Variants in NTM observed in about 807,000 individuals in gnomAD.
NTM encodes neurotrimin, also known as IgLON family member 2.
In NTM, 13 loss-of-function variants were observed where a neutral mutation model predicts 42.1. The observed-to-expected ratio is 0.31, with a 90% confidence interval of 0.20 to 0.49. The LOEUF (loss-of-function observed/expected upper bound fraction) is 0.49, where lower values mean the gene tolerates loss of function less well. NTM is among the 20% of genes least tolerant of loss of function. The pLI, the probability that NTM is intolerant of heterozygous loss-of-function variation, is 0.99. For missense variants in NTM, 373 were observed against 452.8 expected, an observed-to-expected ratio of 0.82 and a Z score of 1.60; for synonymous variants, 187 against 179.2, an observed-to-expected ratio of 1.04 and a Z score of -0.35.
At chr11:131,714,334 A>G (rs1462228912) in intron 1 of NTM, among the ~76,000 whole-genome samples, 3 of 152,092 alleles carry the variant, frequency 2.0e-5, no homozygotes, top group African/African-American at 7.2e-5. Flanking sequence ...GACTTCAGGC[A>G]TGCACTACCA....
chr11:132,106,874 G>A (rs561855591), intron 2 of NTM, among the ~76,000 whole-genome samples: 6 of 152,228 alleles, frequency 3.9e-5, no homozygotes, highest in East Asian at 3.9e-4. Flanking sequence ...AATTCCCTGA[G>A]CGTGATCATT....
At position 132,060,503 on chromosome 11, in the gene NTM, C is replaced by A. The variant is rs545086750; in HGVS notation, c.168-85779C>A. Among the ~76,000 whole-genome samples the A allele has an allele frequency of 8.3e-5, 12 of 144,674 alleles. No individual in the cohort carries two copies. In the South Asian group the frequency reaches 2.5e-3, roughly 30 times the overall value. The allele number at this position is 144,674 out of a possible 152,430, so 94.9% of individuals were successfully genotyped here. On this transcript the variant is annotated intron_variant, in intron 2 of 8. Transcript: ENST00000683400. ...CTGGAATATTGGAACTGCTGTCCTCCGCTGATGAAAGGAGGTTGTAAATAA... is the reference window on the plus strand; with the variant it reads ...CTGGAATATTGGAACTGCTGTCCTCAGCTGATGAAAGGAGGTTGTAAATAA...
Position 131,958,562 on chromosome 11 carries a change from A to C in NTM, c.167+46914A>C, listed in dbSNP as rs528740633. Among the ~76,000 whole-genome samples the C allele has an allele frequency of 2.1e-4, 32 of 152,326 alleles. 1 individual carries two copies. In the South Asian group the frequency reaches 5.8e-3, roughly 28 times the overall value. ...TCACTGGCTTTAATCTAAGAAAGAG[A>C]CATGAACACCGTCCTTCCTCCACCC... is the stretch of plus-strand genomic sequence containing the variant. On this transcript the variant is annotated intron_variant, in intron 2 of 8. Coordinates refer to ENST00000683400, the MANE Select transcript of NTM (RefSeq NM_001352005.2).
At chr11:131,849,840 A>G (rs1283913526) in intron 1 of NTM, among the ~76,000 whole-genome samples, 11 of 132,072 alleles carry the variant, frequency 8.3e-5, no homozygotes, top group Admixed American at 1.5e-4. Context: ...GGGCGGGGGG[A>G]GGGATAGCAT....
At chr11:131,991,993 A>G (rs1192094569) in intron 2 of NTM, among the ~76,000 whole-genome samples, 1 of 152,194 alleles carries the variant, frequency 6.6e-6, no homozygotes, top group African/African-American at 2.4e-5. Context: ...AACCTACTCA[A>G]TCTAACTTGG....
chr11:132,294,712 G>T (rs2094554722), intron 4 of NTM, among the ~76,000 whole-genome samples: 2 of 152,124 alleles, frequency 1.3e-5, no homozygotes, highest in South Asian at 4.1e-4. Context: ...GCATGTTGAG[G>T]CTCATTTTGT....
intron 1 of NTM, among the ~76,000 whole-genome samples, chr11:131,745,227 T>C (rs1050111293): frequency 2.0e-5 from 3 of 152,152 alleles, no homozygotes; most frequent in African/African-American, 7.2e-5. Flanking sequence ...CCTGTAGGAC[T>C]TGGAGGGATT....
At chr11:131,451,043 C>A (rs1234053094) in intron 1 of NTM, among the ~76,000 whole-genome samples, 9 of 151,826 alleles carry the variant, frequency 5.9e-5, no homozygotes, top group Admixed American at 5.9e-4. Context: ...TTGATATTAA[C>A]CATTTAAAAG....
At chr11:132,058,105 A>G (rs540719562) in intron 2 of NTM, among the ~76,000 whole-genome samples, 82 of 151,884 alleles carry the variant, frequency 5.4e-4, no homozygotes, top group Non-Finnish European at 9.9e-4. Flanking sequence ...CTGTCTGTTG[A>G]GCCTCTTTTA....
At chr11:131,996,422 G>T (rs1593522161) in intron 2 of NTM, among the ~76,000 whole-genome samples, 1 of 152,292 alleles carries the variant, frequency 6.6e-6, no homozygotes, top group East Asian at 1.9e-4. Flanking sequence ...AATGTGGGTT[G>T]TTCTTTTATA....
chr11:132,040,069 C>T (rs1286211019), intron 2 of NTM, among the ~76,000 whole-genome samples: 1 of 151,318 alleles, frequency 6.6e-6, no homozygotes, highest in Non-Finnish European at 1.5e-5. Context: ...GCTGGGACTA[C>T]AGATGCATGC....
At chr11:131,520,891 T>C (rs2049551724) in intron 1 of NTM, among the ~76,000 whole-genome samples, 1 of 152,182 alleles carries the variant, frequency 6.6e-6, no homozygotes. Context: ...ATTTGGCTCA[T>C]GATTTTGTGG....
intron 5 of NTM, among the ~76,000 whole-genome samples, chr11:132,308,708 G>A (rs942203998): frequency 2.0e-5 from 3 of 151,978 alleles, no homozygotes; most frequent in Admixed American, 2.0e-4. Context: ...TCAGATTTAG[G>A]TTTGTGTTAC....
intron 1 of NTM, among the ~76,000 whole-genome samples, chr11:131,447,643 C>A (rs912698651): frequency 4.6e-5 from 7 of 152,198 alleles, no homozygotes; most frequent in African/African-American, 1.7e-4. Context: ...ATTCTGATTG[C>A]ATCCCATGCC....
chr11:131,411,706 G>GT (rs1164656540), intron 1 of NTM, among the ~76,000 whole-genome samples: 2 of 152,018 alleles, frequency 1.3e-5, no homozygotes, highest in Non-Finnish European at 2.9e-5. Context: ...GAAACCCCCG[G>GT]TGTCCCCACA....
rs151294346 is a variant in NTM at position 131,590,810 on chromosome 11, T to C, written c.82+219922T>C. Among the ~76,000 whole-genome samples the C allele has an allele frequency of 5.6e-3, 851 of 152,234 alleles. 13 individuals are homozygous for C. Among genetic ancestry groups the C allele is most frequent in the African/African-American group, 0.019 (783 of 41,534 alleles). On this transcript the variant is annotated intron_variant, in intron 1 of 8. Transcript: ENST00000683400. ...CAAGCTGTACTGTATAAATGGCCGA[T>C]GTAAGGTTTAACCCAGGTCTGGCCC...
chr11:132,227,188 G>C (rs1204111853), intron 4 of NTM, among the ~76,000 whole-genome samples: 4 of 152,142 alleles, frequency 2.6e-5, no homozygotes, highest in East Asian at 1.9e-4. Flanking sequence ...AAGACAATTG[G>C]GAGATGAGAA....
rs78631821 is a variant in NTM, at chr11:131,860,482, A to G, written c.83-51082A>G. On this transcript the variant is annotated intron_variant, in intron 1 of 8. Coordinates refer to ENST00000683400, the MANE Select transcript of NTM (RefSeq NM_001352005.2). ...GCCCAGGGAAGCCCAGTAGAGACTC[A>G]GAGTCTAAGGTCTTAACTGGACGCT... 1.2e-3 allele frequency among the ~76,000 whole-genome samples: 179 copies of G among 152,358 alleles called. 5 individuals carry two copies. The East Asian group carries it at 0.023, about 19-fold the overall frequency.
chr11:131,989,603 G>C (rs995856805), intron 2 of NTM, among the ~76,000 whole-genome samples: 3 of 152,022 alleles, frequency 2.0e-5, no homozygotes, highest in African/African-American at 7.2e-5. Context: ...TAGTTAAGGG[G>C]TTCTAATGTG....
Sources: gnomAD v4.1 joint callset for allele counts (sites outside exome capture counted in the v4.1 genomes callset) on GRCh38, gnomAD v4.1.1 for gene constraint, MANE v1.5 for transcripts, NCBI Gene and HGNC (gene_info 2026-07-23, HGNC 2026-07-21) for gene names.